LAMA3: variants seen among roughly 807,000 people sequenced by gnomAD.
The protein encoded by LAMA3 is laminin subunit alpha 3, also known as laminin subunit alpha-3.
A neutral mutation model predicts 402.0 loss-of-function variants in LAMA3; 281 were observed. The observed-to-expected ratio is 0.70, with a 90% confidence interval of 0.63 to 0.77. The LOEUF (loss-of-function observed/expected upper bound fraction) is 0.77. LAMA3 is among the 30% of genes least tolerant of loss of function. The pLI is 0.00. For synonymous variants in LAMA3, 1,431 were observed against 1,558.4 expected (o/e 0.92, Z 1.93); for missense variants, 3,840 against 4,215.5 (o/e 0.91, Z 2.47).
intron 70 of LAMA3, 136 bp from the exon 71 acceptor site, chr18:23,949,629 G>A: frequency 1.2e-6 from 1 of 866,680 alleles, no homozygotes. Flanking sequence ...TGAAGAACCT[G>A]ACTTGGAAGC....
At chr18:23,872,558 C>A (rs1473513599) in intron 38 of LAMA3, among the ~76,000 whole-genome samples, 1 of 152,170 alleles carries the variant, frequency 6.6e-6, no homozygotes, top group South Asian at 2.1e-4. Context: ...GTGATCTGCG[C>A]ATACGAGTTC....
chr18:23,765,315 A>G (rs2062053384), intron 8 of LAMA3, among the ~76,000 whole-genome samples: 1 of 152,196 alleles, frequency 6.6e-6, no homozygotes, highest in South Asian at 2.1e-4. Flanking sequence ...AATTCTGTAT[A>G]TAAATTCTTC....
At chr18:23,864,327 A>T (rs922704008) in intron 35 of LAMA3, among the ~76,000 whole-genome samples, 5 of 151,770 alleles carry the variant, frequency 3.3e-5, no homozygotes, top group Non-Finnish European at 7.4e-5. Context: ...CCTGGGCTCA[A>T]GCGATCTTTC....
At chr18:23,809,671 G>C (rs558995267) in intron 12 of LAMA3, among the ~76,000 whole-genome samples, 1 of 152,312 alleles carries the variant, frequency 6.6e-6, no homozygotes, top group Admixed American at 6.5e-5. Flanking sequence ...ATCCACACGT[G>C]TTTATTCATC....
intron 32 of LAMA3, among the ~76,000 whole-genome samples, chr18:23,850,449 T>C (rs986014059): frequency 6.6e-6 from 1 of 152,248 alleles, no homozygotes; most frequent in African/African-American, 2.4e-5. Flanking sequence ...GCTATGAGAC[T>C]GGGCAAGTCA....
chr18:23,743,707 GACT>G (rs1262427683), intron 2 of LAMA3, among the ~76,000 whole-genome samples: 2 of 152,176 alleles, frequency 1.3e-5, no homozygotes, highest in Non-Finnish European at 2.9e-5. Flanking sequence ...TTATTTAAAA[GACT>G]ACTTTGTTTC....
intron 38 of LAMA3, chr18:23,872,926 C>G: frequency 7.6e-7 from 1 of 1,322,160 alleles, no homozygotes; most frequent in South Asian, 1.2e-5. Flanking sequence ...AGGTGGGGCC[C>G]CTGCCGCAGA....
chr18:23,821,813 A>G (rs2063289899), intron 19 of LAMA3, among the ~76,000 whole-genome samples: 1 of 152,198 alleles, frequency 6.6e-6, no homozygotes, highest in African/African-American at 2.4e-5. Context: ...TTTAGACTTT[A>G]TGTATGTGAA....
chr18:23,897,464 G>A (rs1251086395), intron 44 of LAMA3, among the ~76,000 whole-genome samples: 1 of 152,190 alleles, frequency 6.6e-6, no homozygotes, highest in Non-Finnish European at 1.5e-5. Context: ...TGGCCCTGCA[G>A]CCTTCACCAT....
At chr18:23,904,463 A>G in intron 50 of LAMA3, 90 bp from the exon 51 acceptor site, 1 of 1,347,922 alleles carries the variant, frequency 7.4e-7, no homozygotes, top group Non-Finnish European at 1.0e-6. Flanking sequence ...AGAAAGAAAA[A>G]ATAAAAAGAA....
chr18:23,756,243 TTAGAG>T (rs896546192), intron 6 of LAMA3, among the ~76,000 whole-genome samples: 1 of 151,976 alleles, frequency 6.6e-6, no homozygotes, highest in Non-Finnish European at 1.5e-5. Context: ...CCACCTTCCC[TTAGAG>T]TAGAGTTGAT....
intron 1 of LAMA3, 77 bp downstream of exon 1, chr18:23,690,054 G>C (rs62093315): frequency 8.5e-7 from 1 of 1,176,354 alleles, no homozygotes; most frequent in Non-Finnish European, 1.1e-6. Context: ...GAAGGGATCG[G>C]GCCCTTTCCT....
intron 12 of LAMA3, among the ~76,000 whole-genome samples, chr18:23,805,594 C>T (rs914863481): frequency 5.9e-5 from 9 of 152,078 alleles, no homozygotes; most frequent in Non-Finnish European, 7.4e-5. Flanking sequence ...GTTCAGGAAC[C>T]CACTGCCCTC....
At chr18:23,694,677 A>G (rs998079370) in intron 1 of LAMA3, among the ~76,000 whole-genome samples, 2 of 152,198 alleles carry the variant, frequency 1.3e-5, no homozygotes, top group Non-Finnish European at 2.9e-5. Flanking sequence ...TACCCGCTAT[A>G]CTACTGTCAC....
chr18:23,703,756 A>C (rs2060834024), intron 1 of LAMA3, among the ~76,000 whole-genome samples: 1 of 152,090 alleles, frequency 6.6e-6, no homozygotes, highest in Non-Finnish European at 1.5e-5. Flanking sequence ...CACATTAGAG[A>C]TGTCATCTTC....
At chr18:23,810,316 C>T (rs199524997) in intron 12 of LAMA3, 50 bp from the exon 13 acceptor site, 34 of 1,609,598 alleles carry the variant, frequency 2.1e-5, no homozygotes, top group South Asian at 7.7e-5. Flanking sequence ...GTTCTTCCCC[C>T]TCCCATACCT....
chr18:23,770,488 G>A (rs2062173008), intron 8 of LAMA3, among the ~76,000 whole-genome samples: 1 of 152,168 alleles, frequency 6.6e-6, no homozygotes, highest in South Asian at 2.1e-4. Context: ...AAGGCCGGGT[G>A]CTGTGGCTCA....
At chr18:23,842,236 T>C (rs1280329148) in intron 27 of LAMA3, among the ~76,000 whole-genome samples, 159 bp from the exon 28 acceptor site, 2 of 152,242 alleles carry the variant, frequency 1.3e-5, no homozygotes, top group African/African-American at 4.8e-5. Flanking sequence ...TGTAAATGTA[T>C]GTGTGAAGGC....
chr18:23,795,749 G>T (rs1360669454), intron 12 of LAMA3, among the ~76,000 whole-genome samples: 2 of 151,348 alleles, frequency 1.3e-5, no homozygotes, highest in Admixed American at 1.3e-4. Flanking sequence ...TATAAACTCT[G>T]CTATCTTGTA....
Sources: gnomAD v4.1 joint callset for allele counts (sites outside exome capture counted in the v4.1 genomes callset) on GRCh38, gnomAD v4.1.1 for gene constraint, MANE v1.5 for transcripts, NCBI Gene and HGNC (gene_info 2026-07-23, HGNC 2026-07-21) for gene names.